Variants in C3orf49 observed in about 807,000 individuals in gnomAD.
C3orf49 encodes chromosome 3 open reading frame 49.
A neutral mutation model predicts 13.3 loss-of-function variants in C3orf49; 27 were observed. The observed-to-expected ratio is 2.02, with a 90% CI of 1.49 to 2.79. C3orf49 has a LOEUF of 2.79. C3orf49 is among the 30% of genes most tolerant of loss of function. The pLI, the probability that C3orf49 is intolerant of heterozygous loss-of-function variation, is 0.00. For synonymous variants in C3orf49, 87 were observed against 47.6 expected (o/e 1.83, Z -3.40); for missense variants, 242 against 134.2 (o/e 1.80, Z -3.97).
rs138846385 is a variant in C3orf49, at chr3:63,823,487, G to A, written c.363G>A (p.Thr121=). Reference sequence around the variant, plus strand: ...ATAAAGAAGCCCTCCTGTCAAACACGCAGAGCCTTCTCCCTAGGATTGTCA... The same window carrying A: ...ATAAAGAAGCCCTCCTGTCAAACACACAGAGCCTTCTCCCTAGGATTGTCA... ...TDHKEALLSN[T]QSLLPRIVKE... Residue 121 remains threonine (T), a synonymous_variant, in exon 2 of 7, where the codon ACG becomes ACA. Coordinates refer to ENST00000295896, the MANE Select transcript of C3orf49 (RefSeq NM_001355236.2). 5.3e-4 allele frequency: 374 copies of A among 703,012 alleles called. 1 individual carries two copies. The highest frequency in any genetic ancestry group is 5.0e-3 in the Middle Eastern group (22 of 4,370). 43.5% of individuals were successfully genotyped at this position (703,012 alleles called of 1,614,324 possible).
intron 5 of C3orf49, among the ~76,000 whole-genome samples, chr3:63,837,668 C>T (rs572304936): frequency 1.3e-5 from 2 of 151,514 alleles, no homozygotes; most frequent in South Asian, 4.2e-4. Flanking sequence ...TTAACCATAA[C>T]ATTATTTAGG....
At chr3:63,816,771 T>TC (rs1186472579), upstream of C3orf49, among the ~76,000 whole-genome samples, 1 of 134,144 alleles carries the variant, frequency 7.5e-6, no homozygotes, top group Non-Finnish European at 1.6e-5. Context: ...TTTCTTTTCT[T>TC]TTTTTTTTTT....
intron 5 of C3orf49, among the ~76,000 whole-genome samples, chr3:63,841,468 C>A (rs531474389): frequency 2.0e-5 from 3 of 152,248 alleles, no homozygotes; most frequent in African/African-American, 7.2e-5. Flanking sequence ...GAATCAACAG[C>A]AAAATCTTTA....
intron 5 of C3orf49, among the ~76,000 whole-genome samples, chr3:63,833,401 C>T (rs542785596): frequency 3.3e-5 from 5 of 151,982 alleles, no homozygotes; most frequent in African/African-American, 7.2e-5. Flanking sequence ...GCCTGGCCTA[C>T]GCAAAACAAT....
chr3:63,804,151 G>T, the C3orf49 span, among the ~76,000 whole-genome samples: 1 of 152,132 alleles, frequency 6.6e-6, no homozygotes, highest in South Asian at 2.1e-4. Flanking sequence ...AGCTTCGCTT[G>T]CTTGCTTGCC....
intron 5 of C3orf49, among the ~76,000 whole-genome samples, chr3:63,842,401 G>T (rs1004105109): frequency 3.3e-5 from 5 of 152,120 alleles, no homozygotes; most frequent in African/African-American, 1.2e-4. Flanking sequence ...AAAACAAAAT[G>T]AAGAGTCCTC....
At chr3:63,798,176 T>C in the C3orf49 span, among the ~76,000 whole-genome samples, 1 of 152,206 alleles carries the variant, frequency 6.6e-6, no homozygotes, top group Non-Finnish European at 1.5e-5. Context: ...CTGTGTATTG[T>C]TAATTCAGGG....
chr3:63,811,219 C>T, the C3orf49 span, among the ~76,000 whole-genome samples: 2 of 152,132 alleles, frequency 1.3e-5, no homozygotes, highest in African/African-American at 2.4e-5. Context: ...AAATAAAAAA[C>T]TCTTCACTTT....
chr3:63,829,547 A>C, intron 3 of C3orf49, among the ~76,000 whole-genome samples: 1 of 152,242 alleles, frequency 6.6e-6, no homozygotes, highest in Non-Finnish European at 1.5e-5. Context: ...ATAATCATAA[A>C]GATAAAGATG....
the C3orf49 span, among the ~76,000 whole-genome samples, chr3:63,811,039 G>C: frequency 6.6e-6 from 1 of 152,098 alleles, no homozygotes; most frequent in African/African-American, 2.4e-5. Context: ...GTAGAGATGA[G>C]ATTTTGCCAT....
the C3orf49 span, among the ~76,000 whole-genome samples, chr3:63,812,143 A>T: frequency 6.6e-6 from 1 of 152,120 alleles, no homozygotes; most frequent in African/African-American, 2.4e-5. Context: ...GGAAATTTTT[A>T]TGTGAAATCT....
chr3:63,825,222 C>G (rs925670558), intron 2 of C3orf49, among the ~76,000 whole-genome samples: 3 of 152,026 alleles, frequency 2.0e-5, no homozygotes, highest in Non-Finnish European at 4.4e-5. Context: ...AGGAAACACA[C>G]AGCCCTTCTA....
At chr3:63,787,394 G>A in the C3orf49 span, among the ~76,000 whole-genome samples, 1 of 152,246 alleles carries the variant, frequency 6.6e-6, no homozygotes, top group East Asian at 1.9e-4. Flanking sequence ...AAATATATAT[G>A]ATTTTTAAAA....
At chr3:63,783,510 G>T in the C3orf49 span, among the ~76,000 whole-genome samples, 17 of 140,116 alleles carry the variant, frequency 1.2e-4, no homozygotes, top group Non-Finnish European at 2.3e-4. Flanking sequence ...GTGAAATCCC[G>T]TCTCTACTAA....
chr3:63,818,190 G>T (rs539807027), upstream of C3orf49, among the ~76,000 whole-genome samples: 5 of 152,054 alleles, frequency 3.3e-5, no homozygotes, highest in South Asian at 1.0e-3. Flanking sequence ...TATTTCACTT[G>T]AATTTTGCCA....
the C3orf49 span, among the ~76,000 whole-genome samples, chr3:63,793,106 C>A: frequency 3.9e-5 from 6 of 152,142 alleles, no homozygotes; most frequent in Non-Finnish European, 7.4e-5. Flanking sequence ...TTTAAGGAAA[C>A]CCCAAAGAGC....
At chr3:63,825,689 T>C (rs1206204222) in intron 2 of C3orf49, among the ~76,000 whole-genome samples, 1 of 152,212 alleles carries the variant, frequency 6.6e-6, no homozygotes, top group Admixed American at 6.5e-5. Context: ...CTGCTGACCT[T>C]CAAAACATGT....
the C3orf49 span, among the ~76,000 whole-genome samples, chr3:63,805,278 C>T: frequency 6.6e-6 from 1 of 152,202 alleles, no homozygotes; most frequent in Non-Finnish European, 1.5e-5. Flanking sequence ...AGGATTTCTA[C>T]AAGGCTTCCT....
the C3orf49 span, among the ~76,000 whole-genome samples, chr3:63,813,554 A>G: frequency 6.6e-6 from 1 of 152,076 alleles, no homozygotes; most frequent in South Asian, 2.1e-4. Flanking sequence ...CACAAAAAAC[A>G]AATGAAAAAA....
Sources: allele counts gnomAD v4.1 joint callset (sites outside exome capture counted in the v4.1 genomes callset), GRCh38; gene constraint gnomAD v4.1.1; transcripts MANE v1.5; gene names NCBI Gene and HGNC (gene_info 2026-07-23, HGNC 2026-07-21).